CARD8: variants seen among roughly 807,000 people sequenced by gnomAD.
CARD8 encodes the protein caspase recruitment domain-containing protein 8.
In CARD8, 38 loss-of-function variants were observed where a neutral mutation model predicts 53.2. The ratio of observed to expected loss-of-function variants is 0.71; its 90% CI spans 0.55 to 0.94. CARD8 has a LOEUF of 0.94. Among genes scored for constraint, CARD8 ranks in the 40% least tolerant of loss-of-function variants. The pLI is 0.00. For synonymous variants in CARD8, 245 were observed against 244.9 expected, an observed-to-expected ratio of 1.00 and a Z score of 0.00; for missense variants, 561 against 655.5, an observed-to-expected ratio of 0.86 and a Z score of 1.57.
chr19:48,211,726 C>G lies in CARD8; in HGVS notation c.1598G>C (p.Arg533Thr). The change falls in exon 14 of 14, where the codon AGA (arginine) becomes ACA (threonine). Residue 533 changes from arginine to threonine, a missense_variant. Physicochemically the swap from Arg to Thr is moderately conservative, Grantham distance 71. Coordinates refer to ENST00000651546, the MANE Select transcript of CARD8 (RefSeq NM_001184900.3). ...TGACTCATTTTACAAATTCTGCTGT[C>G]TAAGATAGGACACGAGGTAAGGGTC... The part of the protein sequence containing the change: ...ERDPYLVSYL[R>T]QQNL 1 of 1,614,082 alleles carries G rather than the reference C, an allele frequency of 6.2e-7. No individual in the cohort carries two copies. The highest frequency in any genetic ancestry group is 8.5e-7 in the Non-Finnish European group (1 of 1,179,996).
chr19:48,204,094 G>C (rs908421663), downstream of CARD8: 3 of 449,910 alleles, frequency 6.7e-6, no homozygotes, highest in South Asian at 4.7e-5. Flanking sequence ...TGTGGGGCCC[G>C]CTTGGATCTC....
rs147834275 is a variant in CARD8, at chr19:48,241,303, T to C, written c.-43-240A>G. ...TGGAGTCTAGCTCTGTCACCCAGGC[T>C]GGAGTGCAATGGCGAGATCTTGACT... On this transcript the variant is annotated intron_variant, in intron 3 of 13. Coordinates refer to ENST00000651546, the MANE Select transcript of CARD8 (RefSeq NM_001184900.3). Among the ~76,000 whole-genome samples the C allele has an allele frequency of 5.8e-3, 884 of 152,280 alleles. 13 individuals carry two copies. Among genetic ancestry groups the C allele is most frequent in the African/African-American group, 0.02 (842 of 41,566 alleles).
intron 1 of CARD8, among the ~76,000 whole-genome samples, chr19:48,250,645 G>C (rs557673850): frequency 3.3e-5 from 5 of 152,282 alleles, no homozygotes; most frequent in African/African-American, 1.2e-4. Context: ...CAGTTTGCTG[G>C]TCTCATCCCA....
intron 10 of CARD8, among the ~76,000 whole-genome samples, chr19:48,226,340 C>T (rs1214781485): frequency 6.6e-6 from 1 of 152,180 alleles, no homozygotes; most frequent in Non-Finnish European, 1.5e-5. Flanking sequence ...TCTCATGCCT[C>T]CACCTCCCAA....
chr19:48,242,680 C>T lies in CARD8; in HGVS notation c.-43-1617G>A, dbSNP rs546294100. ...AAATGATACTGTGAATATTCAGGTA[C>T]GAATTTCCATGTGGACAGATTATTT... On this transcript the variant is annotated intron_variant, in intron 3 of 13. Transcript: ENST00000651546. 7.9e-5 allele frequency: 12 copies of T among 152,212 alleles called. No individual in the cohort carries two copies. In the South Asian group the frequency reaches 2.1e-3, roughly 26 times the overall value. The allele number at this position is 152,212 out of a possible 1,614,324, so 9.4% of individuals were successfully genotyped here. A position where few individuals can be genotyped will look rare whatever the true frequency, so the allele number is the denominator to read the frequency against.
chr19:48,250,316 A>G (rs2046785605), intron 1 of CARD8, among the ~76,000 whole-genome samples: 2 of 152,206 alleles, frequency 1.3e-5, no homozygotes, highest in Non-Finnish European at 2.9e-5. Flanking sequence ...CAAAGGTGAC[A>G]TTAGTCTGAG....
downstream of CARD8, among the ~76,000 whole-genome samples, chr19:48,207,324 T>C (rs1019080225): frequency 6.6e-6 from 1 of 152,100 alleles, no homozygotes; most frequent in Non-Finnish European, 1.5e-5. Flanking sequence ...CAGGATAAGG[T>C]AGTATACATA....
chr19:48,242,210 A>G (rs189594912), intron 3 of CARD8, among the ~76,000 whole-genome samples: 84 of 152,152 alleles, frequency 5.5e-4, no homozygotes, highest in African/African-American at 2.0e-3. Context: ...ATCCTCATGA[A>G]TGGTCTCAAC....
chr19:48,233,424 A>C (rs2043278507), intron 6 of CARD8: 1 of 456,288 alleles, frequency 2.2e-6, no homozygotes. Context: ...TGGGATGAAG[A>C]GAAAGGCTTT....
chr19:48,241,169 C>T, intron 3 of CARD8, 106 bp from the exon 4 acceptor site: 1 of 646,656 alleles, frequency 1.5e-6, no homozygotes, highest in Non-Finnish European at 2.7e-6. Flanking sequence ...ATTGCTCATT[C>T]ACAAGAGATG....
intron 10 of CARD8, among the ~76,000 whole-genome samples, chr19:48,226,838 G>A (rs542017277): frequency 1.2e-3 from 182 of 152,164 alleles, no homozygotes; most frequent in Admixed American, 3.6e-3. Context: ...AAGAAATCGA[G>A]GCCGAGGGGG....
chr19:48,222,005 G>T, intron 10 of CARD8, 150 bp from the exon 11 acceptor site: 1 of 508,768 alleles, frequency 2.0e-6, no homozygotes, highest in Non-Finnish European at 3.4e-6. Context: ...TATAAAGATT[G>T]TGATAGGTAG....
At chr19:48,217,620 T>TGTTAC (rs386389160) in intron 12 of CARD8, among the ~76,000 whole-genome samples, 1 of 151,962 alleles carries the variant, frequency 6.6e-6, no homozygotes, top group East Asian at 1.9e-4. Flanking sequence ...CCTATGCAAA[T>TGTTAC]GTTAATATCC....
At chr19:48,207,569 CTG>C (rs776277679), downstream of CARD8, among the ~76,000 whole-genome samples, 12 of 152,082 alleles carry the variant, frequency 7.9e-5, no homozygotes, top group East Asian at 1.9e-4. Flanking sequence ...GATTTACAAA[CTG>C]TAACATTTTA....
chr19:48,255,086 G>A (rs555953447), intron 1 of CARD8, among the ~76,000 whole-genome samples: 4 of 151,960 alleles, frequency 2.6e-5, no homozygotes, highest in Admixed American at 6.6e-5. Context: ...CATTGTTTCC[G>A]GCTGGGCGCA....
In CARD8 at chr19:48,244,524, T is replaced by C. The variant is rs557802344; in HGVS notation, c.-43-3461A>G. ...AGCCTCATACTCGGTGATTTATCTA[T>C]AGAGTTTGAATACAAGAGCTGTGAG... On this transcript the variant is annotated intron_variant, in intron 3 of 13. Transcript: ENST00000651546. 2.0e-5 allele frequency among the ~76,000 whole-genome samples: 3 copies of C among 152,270 alleles called. No individual in the cohort carries two copies. The South Asian group carries it at 6.2e-4, about 32-fold the overall frequency.
At chr19:48,231,461 C>T (rs554973940) in intron 8 of CARD8, among the ~76,000 whole-genome samples, 199 bp downstream of exon 8, 5 of 152,178 alleles carry the variant, frequency 3.3e-5, no homozygotes, top group African/African-American at 7.2e-5. Flanking sequence ...GGTGCCACCA[C>T]GCCTGACTAA....
Position 48,232,201 on chromosome 19 carries a change from C to T in CARD8, c.391+252G>A, listed in dbSNP as rs1034318123. 5 of 585,734 alleles carry T rather than the reference C, an allele frequency of 8.5e-6. No homozygotes were observed. The Admixed American group carries it at 9.0e-5, about 11-fold the overall frequency. 36.3% of individuals were successfully genotyped at this position (585,734 alleles called of 1,614,324 possible). A position where few individuals can be genotyped will look rare whatever the true frequency, so the allele number is the denominator to read the frequency against. On this transcript the variant is annotated intron_variant, in intron 7 of 13. Transcript: ENST00000651546. ...CTCCAAAGATGCAGAGGCGAAAGAG[C>T]GTGCATCCTTCCTAGGCCCTGCTGC... is the stretch of plus-strand genomic sequence containing the variant.
chr19:48,225,072 A>AT (rs1218784842), intron 10 of CARD8, among the ~76,000 whole-genome samples: 1 of 152,080 alleles, frequency 6.6e-6, no homozygotes, highest in Non-Finnish European at 1.5e-5. Flanking sequence ...CTTTTAACTA[A>AT]TTTATGATTA....
Sources: allele counts gnomAD v4.1 joint callset (sites outside exome capture counted in the v4.1 genomes callset), GRCh38; gene constraint gnomAD v4.1.1; transcripts MANE v1.5; gene names NCBI Gene and HGNC (gene_info 2026-07-23, HGNC 2026-07-21).